The following BRD2 variants were observed in gnomAD, a reference collection of about 807,000 sequenced individuals.
BRD2 encodes the protein bromodomain containing 2, also known as bromodomain-containing protein 2.
Under a neutral mutation model 79.1 loss-of-function variants are expected in BRD2, and 15 were observed. The ratio of observed to expected loss-of-function variants is 0.19; its 90% CI spans 0.13 to 0.29. The LOEUF is 0.29. Among genes scored for constraint, BRD2 ranks in the 10% least tolerant of loss-of-function variants. The pLI is 1.00. For synonymous variants in BRD2, 488 were observed against 358.6 expected (o/e 1.36, Z -4.08); for missense variants, 1,053 against 991.3 (o/e 1.06, Z -0.84).
rs772021484 is a variant in BRD2, at chr6:32,976,706, A to G, written c.970A>G (p.Ile324Val). ...TATGCGTAGAGAGAGTGGTCGCCCCATCAAGCCCCCACGCAAAGACTTGCC... is the reference window on the plus strand; with the variant it reads ...TATGCGTAGAGAGAGTGGTCGCCCCGTCAAGCCCCCACGCAAAGACTTGCC... Reference protein sequence around the residue: ...PPMRRESGRPIKPPRKDLPDS... With the variant: ...PPMRRESGRPVKPPRKDLPDS... Residue 324 changes from isoleucine to valine, a missense_variant, in exon 7 of 13, where the codon ATC becomes GTC. By Grantham distance (29) the Ile-to-Val change is conservative (BLOSUM62 3). Around this residue, in one of 5 missense-constraint regions of BRD2, gnomAD observed 454 missense variants for 430.5 expected, o/e 1.05. Coordinates refer to ENST00000374825, the MANE Select transcript of BRD2 (RefSeq NM_005104.4). The G allele has an allele frequency of 1.9e-6, 3 of 1,612,922 alleles. No homozygotes were observed. The highest frequency in any genetic ancestry group is 2.5e-6 in the Non-Finnish European group (3 of 1,179,970).
chr6:32,973,299 T>C (rs1582890988), intron 2 of BRD2, among the ~76,000 whole-genome samples: 1 of 152,186 alleles, frequency 6.6e-6, no homozygotes, highest in African/African-American at 2.4e-5. Context: ...CGGACACCTC[T>C]AGCGCCCTGT....
Position 32,971,885 on chromosome 6 carries a change from C to T in BRD2, c.-1014C>T. The T allele has an allele frequency of 1.4e-6, 1 of 702,244 alleles. No individual in the cohort carries two copies. The highest frequency in any genetic ancestry group is 1.5e-5 in the South Asian group (1 of 67,518). The allele number at this position is 702,244 out of a possible 1,614,324, so 43.5% of individuals were successfully genotyped here. A position where few individuals can be genotyped will look rare whatever the true frequency, so the allele number is the denominator to read the frequency against. ...TCCAACCACCCTCTTTCCCTGGAGT[C>T]GGCGGACCACAGCTCAGCCAATTGG... On this transcript the variant is annotated 5_prime_UTR_variant, in exon 2 of 13. Coordinates refer to ENST00000374825, the MANE Select transcript of BRD2 (RefSeq NM_005104.4).
intron 7 of BRD2, 113 bp from the exon 8 acceptor site, chr6:32,977,328 TA>T: frequency 6.2e-7 from 1 of 1,605,814 alleles, no homozygotes; most frequent in Non-Finnish European, 8.5e-7. Flanking sequence ...CACAGATCCT[TA>T]AGGTCATCCC....
chr6:32,972,425 C>G lies in BRD2; in HGVS notation c.-474C>G, dbSNP rs895856430. ...GCCCAATCCTCGGAGTCTGTCCACC[C>G]CCTCTACTCCGCCCTCAAGAGGATT... On this transcript the variant is annotated 5_prime_UTR_variant, in exon 2 of 13. Coordinates refer to ENST00000374825, the MANE Select transcript of BRD2 (RefSeq NM_005104.4). 1 of 298,136 alleles carries G rather than the reference C, an allele frequency of 3.4e-6. No homozygotes were observed. The allele number at this position is 298,136 out of a possible 1,614,324, so 18.5% of individuals were successfully genotyped here. A position where few individuals can be genotyped will look rare whatever the true frequency, so the allele number is the denominator to read the frequency against.
At chr6:32,979,697 T>C in intron 10 of BRD2, 131 bp from the exon 11 acceptor site, 1 of 1,081,166 alleles carries the variant, frequency 9.2e-7, no homozygotes, top group Non-Finnish European at 1.3e-6. Flanking sequence ...GCCCACCTCT[T>C]ACTTGGCCAT....
rs768407759 is a variant in BRD2, at chr6:32,972,930, A to G, written c.29+3A>G. ...CAAAACGTGACTCCCCACAATAAGTACGTTTCCGCGAGCCGCGTGTGGGAA... is the reference window on the plus strand; with the variant it reads ...CAAAACGTGACTCCCCACAATAAGTGCGTTTCCGCGAGCCGCGTGTGGGAA... On this transcript the variant is annotated splice_donor_region_variant and intron_variant, in intron 2 of 12. Transcript: ENST00000374825. The G allele has an allele frequency of 1.8e-5, 29 of 1,613,896 alleles. No homozygotes were observed. The highest frequency in any genetic ancestry group is 2.3e-5 in the Non-Finnish European group (27 of 1,179,958).
rs115758712 is a variant in BRD2 at position 32,974,023 on chromosome 6, A to T, written c.30-439A>T. On this transcript the variant is annotated intron_variant, in intron 2 of 12. Coordinates refer to ENST00000374825, the MANE Select transcript of BRD2 (RefSeq NM_005104.4). ...ATTTTATGGAATTTTTTATAGCCAT[A>T]ATTTGTTCTTTTCCTCCTTACCGGC... 8.9e-3 allele frequency among the ~76,000 whole-genome samples: 1,351 copies of T among 152,112 alleles called. 17 individuals carry two copies. The highest frequency in any genetic ancestry group is 0.029 in the African/African-American group (1,217 of 41,478).
rs1180267705 is a variant in BRD2 at position 32,968,798 on chromosome 6, G to C, written c.-1563G>C. The C allele has an allele frequency of 6.5e-6, 1 of 153,956 alleles. No individual in the cohort carries two copies. The highest frequency in any genetic ancestry group is 1.4e-5 in the Non-Finnish European group (1 of 69,090). The allele number at this position is 153,956 out of a possible 1,614,324, so 9.5% of individuals were successfully genotyped here. On this transcript the variant is annotated 5_prime_UTR_variant, in exon 1 of 13. Transcript: ENST00000374825. The stretch of plus-strand genomic sequence containing the variant: ...AGGAACGTTCGGAAAGCTGGTCCTC[G>C]TGGCTGGGGGAAAGGCGGGGGGTGG...
chr6:32,969,791 T>C (rs1174458589), intron 1 of BRD2, among the ~76,000 whole-genome samples: 2 of 152,140 alleles, frequency 1.3e-5, no homozygotes, highest in African/African-American at 2.4e-5. Context: ...CAGCATGGTC[T>C]GAGATGCGAG....
chr6:32,978,516 C>T (rs984306581), intron 10 of BRD2, 128 bp downstream of exon 10: 1 of 1,464,592 alleles, frequency 6.8e-7, no homozygotes, highest in Non-Finnish European at 9.1e-7. Flanking sequence ...CAGTGGTCCC[C>T]AACCTTTTTG....
Position 32,971,969 on chromosome 6 carries a change from G to T in BRD2, c.-930G>T. The T allele has an allele frequency of 4.3e-6, 3 of 702,944 alleles. No homozygotes were observed. The highest frequency in any genetic ancestry group is 4.0e-5 in the Admixed American group (2 of 50,006). The allele number at this position is 702,944 out of a possible 1,614,324, so 43.5% of individuals were successfully genotyped here. A position where few individuals can be genotyped will look rare whatever the true frequency, so the allele number is the denominator to read the frequency against. ...GGTCTCTGCGGCACTCTTCTGCCTG[G>T]TGACTGACACCTTGGAAATGAAGTT... On this transcript the variant is annotated 5_prime_UTR_variant, in exon 2 of 13. Transcript: ENST00000374825.
chr6:32,977,386 C>A, intron 7 of BRD2, 56 bp from the exon 8 acceptor site: 1 of 1,612,264 alleles, frequency 6.2e-7, no homozygotes, highest in South Asian at 1.1e-5. Flanking sequence ...CTGGGGTTGG[C>A]AGGGAAAGGT....
chr6:32,977,401 C>T lies in BRD2; in HGVS notation c.1201-41C>T, dbSNP rs954139995. On this transcript the variant is annotated intron_variant, in intron 7 of 12. Transcript: ENST00000374825. Reference sequence around the variant, plus strand: ...CTGGGGTTGGCAGGGAAAGGTGAGTCTTCCTGCCTGTGCAGCTTCTGATGC... The same window carrying T: ...CTGGGGTTGGCAGGGAAAGGTGAGTTTTCCTGCCTGTGCAGCTTCTGATGC... The T allele has an allele frequency of 3.7e-6, 6 of 1,613,088 alleles. No individual in the cohort carries two copies. In the African/African-American group the frequency reaches 8.0e-5, roughly 22 times the overall value.
At chr6:32,973,166 C>CAGTCTT in intron 2 of BRD2, 1 of 1,543,124 alleles carries the variant, frequency 6.5e-7, no homozygotes, top group Non-Finnish European at 8.8e-7. Flanking sequence ...CGCCGTGGCC[C>CAGTCTT]AGTCTTAACC....
At position 32,980,774 on chromosome 6, in the gene BRD2, C is replaced by G; in HGVS notation, c.*56C>G. ...CGCAGGACCGGACCCCTAGACCACC[C>G]TGCCCCACCTGCCCCTTCCCCCTTT... On this transcript the variant is annotated 3_prime_UTR_variant, in exon 13 of 13. Transcript: ENST00000374825. The G allele has an allele frequency of 6.3e-7, 1 of 1,581,726 alleles. No individual in the cohort carries two copies. Among genetic ancestry groups the G allele is most frequent in the Non-Finnish European group, 8.6e-7 (1 of 1,156,430 alleles).
At chr6:32,976,203 T>TTA (rs9282353) in intron 5 of BRD2, 34 bp downstream of exon 5, 3 of 1,497,822 alleles carry the variant, frequency 2.0e-6, no homozygotes, top group East Asian at 4.8e-5. Flanking sequence ...AATGGACAAC[T>TTA]AAAGATGGGG....
Position 32,972,940 on chromosome 6 carries a change from G to C in BRD2, c.29+13G>C. 6.2e-7 allele frequency: 1 copy of C among 1,614,044 alleles called. No homozygotes were observed. Among genetic ancestry groups the C allele is most frequent in the Non-Finnish European group, 8.5e-7 (1 of 1,179,970 alleles). On this transcript the variant is annotated intron_variant, in intron 2 of 12. Coordinates refer to ENST00000374825, the MANE Select transcript of BRD2 (RefSeq NM_005104.4). Reference sequence around the variant, plus strand: ...CTCCCCACAATAAGTACGTTTCCGCGAGCCGCGTGTGGGAAGGGGATGTTG... The same window carrying C: ...CTCCCCACAATAAGTACGTTTCCGCCAGCCGCGTGTGGGAAGGGGATGTTG...
chr6:32,977,586 G>A lies in BRD2; in HGVS notation c.1329+16G>A. 1.2e-6 allele frequency: 2 copies of A among 1,613,350 alleles called. No individual in the cohort carries two copies. Among genetic ancestry groups the A allele is most frequent in the Non-Finnish European group, 8.5e-7 (1 of 1,179,722 alleles). ...AAAGCTACAGGTGAGTGGAAAGGTT[G>A]GAGTTTGAAAAATAAATGGTATGGG... is the stretch of plus-strand genomic sequence containing the variant. On this transcript the variant is annotated intron_variant, in intron 8 of 12. Transcript: ENST00000374825.
At chr6:32,974,210 A>G (rs1007199111) in intron 2 of BRD2, among the ~76,000 whole-genome samples, 2 of 152,178 alleles carry the variant, frequency 1.3e-5, no homozygotes, top group African/African-American at 4.8e-5. Flanking sequence ...AAAATATGAA[A>G]AAGAACAGAT....
Sources: allele counts gnomAD v4.1 joint callset (sites outside exome capture counted in the v4.1 genomes callset), GRCh38; gene constraint gnomAD v4.1.1; regional missense constraint gnomAD v4.1.1; transcripts MANE v1.5; gene names NCBI Gene and HGNC (gene_info 2026-07-23, HGNC 2026-07-21).